EMC2: variants seen among roughly 807,000 people sequenced by gnomAD.
EMC2 encodes the protein TPR repeat protein 35.
EMC2 carries 37 observed loss-of-function variants against 51.6 expected under a neutral mutation model. That is an observed-to-expected ratio of 0.72 (90% CI 0.55 to 0.94). EMC2 has a LOEUF of 0.94. Ranked by LOEUF, EMC2 falls within the 40% of genes least tolerant of loss-of-function variation. The probability of loss-of-function intolerance (pLI) is 0.00; values close to 1 mark genes in which losing one functional copy is unlikely to be tolerated. For missense variants in EMC2, 359 were observed against 350.9 expected (o/e 1.02, Z -0.18); for synonymous variants, 131 against 112.4 (o/e 1.17, Z -1.04).
rs769043970 is a variant in EMC2 at position 108,455,922 on chromosome 8, A to G, written c.355A>G (p.Thr119Ala). 1.0e-5 allele frequency: 14 copies of G among 1,364,452 alleles called. No homozygotes were observed. The Admixed American group carries it at 1.4e-4, about 14-fold the overall frequency. The allele number at this position is 1,364,452 out of a possible 1,614,324, so 84.5% of individuals were successfully genotyped here. A position where few individuals can be genotyped will look rare whatever the true frequency, so the allele number is the denominator to read the frequency against. The change falls in exon 5 of 11, where the codon ACT (threonine) becomes GCT (alanine). Residue 119 changes from threonine to alanine, a missense_variant. By Grantham distance (58) the Thr-to-Ala change is moderately conservative (BLOSUM62 0). Transcript: ENST00000220853. ...LYDRILQEDPTNTAARKRKIA... is the reference protein window; with the variant it reads ...LYDRILQEDPANTAARKRKIA... ...TGATAGGATTTTACAAGAAGATCCA[A>G]CTAACACTGTAAGTTGGCAGATTGT... is the stretch of plus-strand genomic sequence containing the variant.
rs754489414 is a variant in EMC2 at position 108,486,491 on chromosome 8, T to TTTG, written c.808-19_808-18insGTT. The TTTG allele has an allele frequency of 4.7e-6, 7 of 1,491,752 alleles. No individual in the cohort carries two copies. The South Asian group carries it at 1.0e-4, about 21-fold the overall frequency. The allele number at this position is 1,491,752 out of a possible 1,614,324, so 92.4% of individuals were successfully genotyped here. A position where few individuals can be genotyped will look rare whatever the true frequency, so the allele number is the denominator to read the frequency against. The stretch of plus-strand genomic sequence containing the variant: ...ACTGAAATTGAGCCTAATTGAGCTT[T>TTTG]TTTTTTTTTTTTTTAATTAGTTTGC... On this transcript the variant is annotated intron_variant, in intron 10 of 10. Coordinates refer to ENST00000220853, the MANE Select transcript of EMC2 (RefSeq NM_014673.5).
At position 108,458,834 on chromosome 8, in the gene EMC2, G is replaced by A. The variant is rs1419339309; in HGVS notation, c.363+2904G>A. On this transcript the variant is annotated intron_variant, in intron 5 of 10. Coordinates refer to ENST00000220853, the MANE Select transcript of EMC2 (RefSeq NM_014673.5). ...TTATGCAAATTTCTGCAGCTGGCTT[G>A]AATTTCTTCTCAGAAAATGGGGTTT... Among the ~76,000 whole-genome samples the A allele has an allele frequency of 3.3e-5, 5 of 152,200 alleles. No homozygotes were observed. In the East Asian group the frequency reaches 9.6e-4, roughly 29 times the overall value.
At chr8:108,479,188 G>A (rs1811002489) in intron 10 of EMC2, 78 bp downstream of exon 10, 1 of 701,344 alleles carries the variant, frequency 1.4e-6, no homozygotes, top group Non-Finnish European at 2.3e-6. Flanking sequence ...CTACAAAGTC[G>A]TATGTCTAGC....
At chr8:108,480,807 G>C (rs1811032123) in intron 10 of EMC2, among the ~76,000 whole-genome samples, 2 of 152,020 alleles carry the variant, frequency 1.3e-5, no homozygotes, top group South Asian at 4.1e-4. Flanking sequence ...TCTGGAAGAG[G>C]ATGTTTGCTA....
chr8:108,450,291 T>C, intron 2 of EMC2, 137 bp from the exon 3 acceptor site: 1 of 642,314 alleles, frequency 1.6e-6, no homozygotes, highest in Non-Finnish European at 2.8e-6. Context: ...ATTCTTAGTT[T>C]CAGAGATAAT....
chr8:108,463,596 T>A lies in EMC2; in HGVS notation c.364-6230T>A, dbSNP rs113642687. ...TACTTCAGAAGATCAGATTTTGTCC[T>A]GAATTGTGAACTCTGCCTATTGTGA... On this transcript the variant is annotated intron_variant, in intron 5 of 10. Coordinates refer to ENST00000220853, the MANE Select transcript of EMC2 (RefSeq NM_014673.5). 6.3e-3 allele frequency among the ~76,000 whole-genome samples: 954 copies of A among 152,288 alleles called. 7 individuals carry two copies. The highest frequency in any genetic ancestry group is 0.011 in the South Asian group (55 of 4,814).
intron 10 of EMC2, among the ~76,000 whole-genome samples, chr8:108,481,419 C>G (rs901112558): frequency 6.6e-6 from 1 of 151,706 alleles, no homozygotes; most frequent in African/African-American, 2.4e-5. Context: ...TGGAGTTCCA[C>G]ACAGAGTAGG....
Position 108,476,208 on chromosome 8 carries a change from T to C in EMC2, c.591+245T>C, listed in dbSNP as rs564260439. 1.4e-4 allele frequency among the ~76,000 whole-genome samples: 21 copies of C among 152,002 alleles called. 1 individual carries two copies. In the East Asian group the frequency reaches 4.0e-3, roughly 29 times the overall value. ...ATTTGTATACTATTTTCTTTCCTAA[T>C]TATAAGTTATATCACATTTGTCACC... On this transcript the variant is annotated intron_variant, in intron 8 of 10. Transcript: ENST00000220853.
chr8:108,479,894 C>T (rs772025494), intron 10 of EMC2, among the ~76,000 whole-genome samples: 25 of 152,102 alleles, frequency 1.6e-4, no homozygotes, highest in Non-Finnish European at 3.2e-4. Flanking sequence ...TCACCATGCC[C>T]AGCTATTTCA....
At chr8:108,456,608 T>C (rs1231581793) in intron 5 of EMC2, among the ~76,000 whole-genome samples, 1 of 152,150 alleles carries the variant, frequency 6.6e-6, no homozygotes. Context: ...CATACCCCTT[T>C]AATTTAGTGT....
chr8:108,468,478 G>A (rs1402874193), intron 5 of EMC2, among the ~76,000 whole-genome samples: 3 of 151,630 alleles, frequency 2.0e-5, no homozygotes, highest in Admixed American at 1.3e-4. Context: ...TTTACTCTCA[G>A]GATATGCTTA....
rs537445192 is a variant in EMC2 at position 108,485,536 on chromosome 8, T to C, written c.808-976T>C. Among the ~76,000 whole-genome samples the C allele has an allele frequency of 3.9e-5, 3 of 76,930 alleles. No individual in the cohort carries two copies. In the South Asian group the frequency reaches 1.5e-3, roughly 38 times the overall value. 50.5% of individuals were successfully genotyped at this position (76,930 alleles called of 152,430 possible). On this transcript the variant is annotated intron_variant, in intron 10 of 10. Coordinates refer to ENST00000220853, the MANE Select transcript of EMC2 (RefSeq NM_014673.5). Reference sequence around the variant, plus strand: ...TTAATATATATACATATATATAATATATATATGTATATATATATACACACA... The same window carrying C: ...TTAATATATATACATATATATAATACATATATGTATATATATATACACACA...
intron 8 of EMC2, 27 bp from the exon 9 acceptor site, chr8:108,476,755 T>G: frequency 1.0e-6 from 1 of 992,004 alleles, no homozygotes; most frequent in Middle Eastern, 2.1e-4. Flanking sequence ...AAATAAACAG[T>G]TTTCAGCACT....
At chr8:108,457,484 T>TA (rs1819198825) in intron 5 of EMC2, among the ~76,000 whole-genome samples, 1 of 152,022 alleles carries the variant, frequency 6.6e-6, no homozygotes, top group Non-Finnish European at 1.5e-5. Flanking sequence ...TTATTGGACT[T>TA]ACAGTTTCTC....
At position 108,459,721 on chromosome 8, in the gene EMC2, A is replaced by AGAGAGAGAGAGT. The variant is rs763020311; in HGVS notation, c.363+3792_363+3793insAGAGAGAGAGTG. The stretch of plus-strand genomic sequence containing the variant: ...AGCCATGTGAGAGAGAGAGAGAGAG[A>AGAGAGAGAGAGT]GTGTGTGTGTGTGTGTGTGTGTGTG... On this transcript the variant is annotated intron_variant, in intron 5 of 10. Coordinates refer to ENST00000220853, the MANE Select transcript of EMC2 (RefSeq NM_014673.5). 3.9e-3 allele frequency among the ~76,000 whole-genome samples: 535 copies of AGAGAGAGAGAGT among 136,942 alleles called. 2 individuals carry two copies. Among genetic ancestry groups the AGAGAGAGAGAGT allele is most frequent in the African/African-American group, 0.014 (483 of 33,698 alleles). The allele number at this position is 136,942 out of a possible 152,430, so 89.8% of individuals were successfully genotyped here.
intron 5 of EMC2, among the ~76,000 whole-genome samples, chr8:108,465,490 T>C (rs1340547496): frequency 6.6e-6 from 1 of 152,260 alleles, no homozygotes; most frequent in Non-Finnish European, 1.5e-5. Context: ...TTGAACCTTA[T>C]GTATTCGATG....
chr8:108,465,557 A>G (rs1316104030), intron 5 of EMC2, among the ~76,000 whole-genome samples: 1 of 152,212 alleles, frequency 6.6e-6, no homozygotes, highest in East Asian at 1.9e-4. Flanking sequence ...TTACTTTTGA[A>G]TAATGGAGTA....
At chr8:108,449,716 C>G (rs916666653) in intron 1 of EMC2, 107 bp from the exon 2 acceptor site, 3 of 564,172 alleles carry the variant, frequency 5.3e-6, no homozygotes, top group African/African-American at 3.9e-5. Context: ...AGTTTATTTT[C>G]CTTACCTAAA....
At chr8:108,452,880 C>T (rs1819061521) in intron 3 of EMC2, among the ~76,000 whole-genome samples, 182 bp from the exon 4 acceptor site, 1 of 152,096 alleles carries the variant, frequency 6.6e-6, no homozygotes, top group Admixed American at 6.5e-5. Context: ...TGATTGTTGC[C>T]TTCACTGTAA....
Sources: allele counts gnomAD v4.1 joint callset (sites outside exome capture counted in the v4.1 genomes callset), GRCh38; gene constraint gnomAD v4.1.1; transcripts MANE v1.5; gene names NCBI Gene and HGNC (gene_info 2026-07-23, HGNC 2026-07-21).